The following SLC25A27 variants were observed in gnomAD, a reference collection of about 807,000 sequenced individuals.
SLC25A27 encodes the protein mitochondrial uncoupling protein 4.
Under a neutral mutation model 49.1 loss-of-function variants are expected in SLC25A27, and 35 were observed. That is an observed-to-expected ratio of 0.71 (90% CI 0.54 to 0.95). SLC25A27 has a LOEUF of 0.95. SLC25A27 is among the 40% of genes least tolerant of loss of function. The pLI is 0.00. For missense variants in SLC25A27, 339 were observed against 397.1 expected, an observed-to-expected ratio of 0.85 and a Z score of 1.24; for synonymous variants, 144 against 136.9, an observed-to-expected ratio of 1.05 and a Z score of -0.36.
intron 1 of SLC25A27, 83 bp downstream of exon 1, chr6:46,653,381 G>T: frequency 6.7e-7 from 1 of 1,483,848 alleles, no homozygotes; most frequent in South Asian, 1.4e-5. Context: ...CTTCGCGCCC[G>T]GCAGTGCGCA....
chr6:46,656,887 C>G (rs1380836065), intron 2 of SLC25A27, among the ~76,000 whole-genome samples: 2 of 152,118 alleles, frequency 1.3e-5, no homozygotes, highest in African/African-American at 4.8e-5. Flanking sequence ...TGAAGCAAGC[C>G]AGATACAGTG....
At position 46,676,400 on chromosome 6, in the gene SLC25A27, G is replaced by A; in HGVS notation, c.918G>A (p.Val306=). The A allele has an allele frequency of 1.2e-6, 2 of 1,613,914 alleles. No individual in the cohort carries two copies. The highest frequency in any genetic ancestry group is 1.7e-5 in the Admixed American group (1 of 60,002). ...TCTTTCAGACCCCTTGGTCAATGGT[G>A]TTCTGGCTTACTTATGAAAAAATCA... ...SWLRMTPWSM[V]FWLTYEKIRE... Residue 306 remains valine (V), a synonymous_variant, in exon 9 of 9, where the codon GTG becomes GTA. Coordinates refer to ENST00000371347, the MANE Select transcript of SLC25A27 (RefSeq NM_004277.5).
At chr6:46,668,179 T>C (rs1763384244) in intron 5 of SLC25A27, among the ~76,000 whole-genome samples, 1 of 152,118 alleles carries the variant, frequency 6.6e-6, no homozygotes, top group Non-Finnish European at 1.5e-5. Flanking sequence ...ACCCCATCTC[T>C]ACAAAAATAT....
intron 5 of SLC25A27, among the ~76,000 whole-genome samples, 163 bp from the exon 6 acceptor site, chr6:46,668,546 C>T (rs573404841): frequency 6.6e-6 from 1 of 152,260 alleles, no homozygotes; most frequent in African/African-American, 2.4e-5. Flanking sequence ...GTCTCTTCTT[C>T]TTTTTCTCTC....
At chr6:46,662,542 A>G (rs1763194492) in intron 4 of SLC25A27, 44 bp downstream of exon 4, 2 of 1,601,868 alleles carry the variant, frequency 1.2e-6, no homozygotes, top group Non-Finnish European at 1.7e-6. Flanking sequence ...TCCCTTGGCC[A>G]CCGTCATATT....
At chr6:46,666,619 T>C (rs1289189318) in intron 5 of SLC25A27, among the ~76,000 whole-genome samples, 1 of 152,168 alleles carries the variant, frequency 6.6e-6, no homozygotes, top group East Asian at 1.9e-4. Context: ...TCAAAATCTA[T>C]TGTAGCCAAA....
intron 1 of SLC25A27, among the ~76,000 whole-genome samples, chr6:46,654,917 A>G (rs1762923794): frequency 6.6e-6 from 1 of 152,150 alleles, no homozygotes; most frequent in Non-Finnish European, 1.5e-5. Context: ...AAAGTCTTAT[A>G]TAATGTAAGT....
In SLC25A27 at chr6:46,655,903, C is replaced by A; in HGVS notation, c.167C>A (p.Ala56Asp). The part of the protein sequence containing the change: ...RLQMQGEAAL[A>D]RLGDGARESA... ...CAAATGCAAGGAGAAGCAGCTCTTG[C>A]TCGGTTGGGAGACGGTGCAAGAGAA... Residue 56 changes from alanine (A) to aspartate (D), a missense_variant, in exon 2 of 9, where the codon GCT becomes GAT. Physicochemically the swap from Ala to Asp is moderately radical, Grantham distance 126. Transcript: ENST00000371347. 6.2e-7 allele frequency: 1 copy of A among 1,613,676 alleles called. No individual in the cohort carries two copies. Among genetic ancestry groups the A allele is most frequent in the Non-Finnish European group, 8.5e-7 (1 of 1,179,894 alleles).
chr6:46,653,087 C>A lies in SLC25A27; in HGVS notation c.-106C>A. 2 of 1,056,068 alleles carry A rather than the reference C, an allele frequency of 1.9e-6. No individual in the cohort carries two copies. Among genetic ancestry groups the A allele is most frequent in the African/African-American group, 1.6e-5 (1 of 63,788 alleles). The allele number at this position is 1,056,068 out of a possible 1,614,324, so 65.4% of individuals were successfully genotyped here. On this transcript the variant is annotated 5_prime_UTR_variant, in exon 1 of 9. Transcript: ENST00000371347. ...AACGAGGGAAATGGTCCTCACCCGG[C>A]CACTCGCCGGTTGAAAAGGGGCCGC...
chr6:46,670,195 A>G lies in SLC25A27; in HGVS notation c.765A>G (p.Arg255=). 1.9e-6 allele frequency: 3 copies of G among 1,613,352 alleles called. No individual in the cohort carries two copies. The highest frequency in any genetic ancestry group is 1.1e-5 in the South Asian group (1 of 90,894). ...CACCAGCCGATGTCATCAAAAGCAG[A>G]ATAATGAATCAACCACGAGATAAAC... ...LGTPADVIKS[R]IMNQPRDKQG... is the part of the protein sequence containing the mutation. The change falls in exon 7 of 9, where the codon AGA becomes AGG. Residue 255 remains arginine (R), a synonymous_variant. Coordinates refer to ENST00000371347, the MANE Select transcript of SLC25A27 (RefSeq NM_004277.5).
intron 3 of SLC25A27, among the ~76,000 whole-genome samples, chr6:46,660,086 G>A (rs1205141614): frequency 1.3e-5 from 2 of 152,008 alleles, no homozygotes; most frequent in African/African-American, 2.4e-5. Context: ...GGAGATTTTG[G>A]AATGTGACTT....
At chr6:46,661,373 T>C (rs975874208) in intron 3 of SLC25A27, among the ~76,000 whole-genome samples, 13 of 152,250 alleles carry the variant, frequency 8.5e-5, no homozygotes, top group Non-Finnish European at 1.3e-4. Flanking sequence ...TGTTCAAATT[T>C]CTTAAAGTTA....
At chr6:46,664,937 G>A in intron 5 of SLC25A27, 51 bp downstream of exon 5, 2 of 861,398 alleles carry the variant, frequency 2.3e-6, no homozygotes, top group South Asian at 1.8e-5. Flanking sequence ...CTTAATAGCT[G>A]TAAGCACTTA....
In SLC25A27 at chr6:46,677,927, ATTG is replaced by A. The variant is rs1429814300; in HGVS notation, c.*1476_*1478del. ...GTCATGTACTGATATGCAGTAGCTT[ATTG>A]TTTTTCTAGTTGCAGAGAATGTGAA... On this transcript the variant is annotated 3_prime_UTR_variant, in exon 9 of 9. Coordinates refer to ENST00000371347, the MANE Select transcript of SLC25A27 (RefSeq NM_004277.5). 1.3e-5 allele frequency: 2 copies of A among 151,900 alleles called. No individual in the cohort carries two copies. The highest frequency in any genetic ancestry group is 4.9e-5 in the African/African-American group (2 of 41,182). 9.4% of individuals were successfully genotyped at this position (151,900 alleles called of 1,614,324 possible).
intron 3 of SLC25A27, among the ~76,000 whole-genome samples, chr6:46,659,606 C>T (rs888823918): frequency 2.6e-5 from 4 of 152,090 alleles, no homozygotes; most frequent in Non-Finnish European, 2.9e-5. Flanking sequence ...GTAATCCCAG[C>T]ATTTTGGAAG....
intron 2 of SLC25A27, among the ~76,000 whole-genome samples, chr6:46,656,991 C>A (rs1346307170): frequency 6.6e-6 from 1 of 152,126 alleles, no homozygotes; most frequent in Non-Finnish European, 1.5e-5. Context: ...GATGGCAAGA[C>A]CCTGTCTCTA....
chr6:46,654,070 T>A lies in SLC25A27; in HGVS notation c.106+772T>A, dbSNP rs1232327936. The A allele has an allele frequency of 1.1e-5, 11 of 981,654 alleles. No homozygotes were observed. In the Admixed American group the frequency reaches 1.8e-4, roughly 16 times the overall value. The allele number at this position is 981,654 out of a possible 1,614,324, so 60.8% of individuals were successfully genotyped here. A position where few individuals can be genotyped will look rare whatever the true frequency, so the allele number is the denominator to read the frequency against. On this transcript the variant is annotated intron_variant, in intron 1 of 8. Coordinates refer to ENST00000371347, the MANE Select transcript of SLC25A27 (RefSeq NM_004277.5). ...TGCCTACATGAGTAAGAAAAAACTT[T>A]AAGAGGCCATCTAGAGTGGAATGAT...
chr6:46,659,550 A>T (rs1763093803), intron 3 of SLC25A27, among the ~76,000 whole-genome samples: 2 of 152,224 alleles, frequency 1.3e-5, no homozygotes, highest in Non-Finnish European at 2.9e-5. Context: ...TCCTATAAAT[A>T]AATAGAAATA....
chr6:46,667,552 G>C (rs955947126), intron 5 of SLC25A27, among the ~76,000 whole-genome samples: 5 of 152,180 alleles, frequency 3.3e-5, no homozygotes, highest in African/African-American at 1.2e-4. Flanking sequence ...TCTTCTGGCT[G>C]TTCCTCTAAC....
Sources: allele counts gnomAD v4.1 joint callset (sites outside exome capture counted in the v4.1 genomes callset), GRCh38; gene constraint gnomAD v4.1.1; transcripts MANE v1.5; gene names NCBI Gene and HGNC (gene_info 2026-07-23, HGNC 2026-07-21).